Variants in CAPN14 observed in about 807,000 individuals in gnomAD.
The protein encoded by CAPN14 is calpain-14.
In CAPN14, 94 loss-of-function variants were observed where a neutral mutation model predicts 101.3. The ratio of observed to expected loss-of-function variants is 0.93; its 90% confidence interval spans 0.79 to 1.10. The LOEUF (loss-of-function observed/expected upper bound fraction) is 1.10, where lower values mean the gene tolerates loss of function less well. Ranked by LOEUF, CAPN14 falls within the 50% of genes least tolerant of loss-of-function variation. The pLI, the probability that CAPN14 is intolerant of heterozygous loss-of-function variation, is 0.00. For synonymous variants in CAPN14, 338 were observed against 317.9 expected, an observed-to-expected ratio of 1.06 and a Z score of -0.67; for missense variants, 837 against 828.4, an observed-to-expected ratio of 1.01 and a Z score of -0.13.
Position 31,205,335 on chromosome 2 carries a change from A to G in CAPN14, c.113T>C (p.Leu38Pro). The change falls in exon 2 of 22, where the codon CTG becomes CCG. Residue 38 changes from leucine (L) to proline (P), a missense_variant. By Grantham distance (98) the Leu-to-Pro change is moderately conservative (BLOSUM62 -3). Transcript: ENST00000403897. Reference sequence around the variant, plus strand: ...GTCTTCAAAGAGGCAGCCATTCCTCAGGCACTCTGCCAGCAGGGCCTCAAA... The same window carrying G: ...GTCTTCAAAGAGGCAGCCATTCCTCGGGCACTCTGCCAGCAGGGCCTCAAA... The part of the protein sequence containing the change: ...QDFEALLAEC[L>P]RNGCLFEDTS... 6.4e-7 allele frequency: 1 copy of G among 1,551,250 alleles called. No individual in the cohort carries two copies. The highest frequency in any genetic ancestry group is 8.7e-7 in the Non-Finnish European group (1 of 1,146,960).
rs1572399122 is a variant in CAPN14 at position 31,187,433 on chromosome 2, C to A, written c.1587+325G>T. 2.0e-5 allele frequency among the ~76,000 whole-genome samples: 3 copies of A among 152,032 alleles called. No homozygotes were observed. In the East Asian group the frequency reaches 5.8e-4, roughly 29 times the overall value. On this transcript the variant is annotated intron_variant, in intron 15 of 21. Coordinates refer to ENST00000403897, the MANE Select transcript of CAPN14 (RefSeq NM_001145122.2). ...CATTGTCATGCTCTGCACCCCCCAC[C>A]CCCTGTCCCACTCCCAACTCTGACA...
At chr2:31,178,625 A>C in intron 17 of CAPN14, 46 bp from the exon 18 acceptor site, 1 of 1,316,494 alleles carries the variant, frequency 7.6e-7, no homozygotes, top group Non-Finnish European at 1.0e-6. Flanking sequence ...AGTTCTATCC[A>C]TGCTTTGGAG....
In CAPN14 at chr2:31,199,461, T is replaced by C. The variant is rs1481717274; in HGVS notation, c.789+9A>G. The C allele has an allele frequency of 1.0e-5, 16 of 1,551,078 alleles. No individual in the cohort carries two copies. Among genetic ancestry groups the C allele is most frequent in the Non-Finnish European group, 1.2e-5 (14 of 1,146,676 alleles). ...TGAGAGGGAAACCGAAGGGCCAACC[T>C]CAACCCACCTTCCTGATTCCTGTGA... On this transcript the variant is annotated intron_variant, in intron 7 of 21. Transcript: ENST00000403897.
At chr2:31,221,195 A>G (rs1682853210), upstream of CAPN14, among the ~76,000 whole-genome samples, 1 of 152,242 alleles carries the variant, frequency 6.6e-6, no homozygotes, top group South Asian at 2.1e-4. Flanking sequence ...TTTTCTCAAC[A>G]GAAGGGTGTT....
At position 31,230,863 on chromosome 2, in the gene CAPN14, C is replaced by T. The variant is rs1314912270; in HGVS notation, c.-177+2928G>A. Among the ~76,000 whole-genome samples, 1 of 152,016 alleles carries T rather than the reference C, an allele frequency of 6.6e-6. No homozygotes were observed. Among genetic ancestry groups the T allele is most frequent in the African/African-American group, 2.4e-5 (1 of 41,366 alleles). On this transcript the variant is annotated intron_variant and NMD_transcript_variant, in intron 1 of 21. Transcript: ENST00000398824. The surrounding 1 kb of genome is among the most constrained non-coding windows in gnomAD (Gnocchi z 4.3). Reference sequence around the variant, plus strand: ...AGTTTTTTTCATTTTTCAGTTTGTGCTTCTGACGTCTTGTTTAAAGAACTC... The same window carrying T: ...AGTTTTTTTCATTTTTCAGTTTGTGTTTCTGACGTCTTGTTTAAAGAACTC...
chr2:31,218,035 T>C (rs1283627645), upstream of CAPN14, among the ~76,000 whole-genome samples: 5 of 152,184 alleles, frequency 3.3e-5, no homozygotes, highest in East Asian at 5.8e-4. Flanking sequence ...ATTTGTGCTA[T>C]TGAGATCGCT....
Position 31,174,656 on chromosome 2 carries a change from T to C in CAPN14, c.*25A>G, listed in dbSNP as rs1680206231. The C allele has an allele frequency of 3.9e-6, 6 of 1,551,266 alleles. No homozygotes were observed. In the East Asian group the frequency reaches 1.5e-4, roughly 38 times the overall value. ...CTTGGGCCACATGCAGAGTCTTCAG[T>C]GAGGGCAGGTGAGACTCAGCCTTCT... On this transcript the variant is annotated 3_prime_UTR_variant, in exon 22 of 22. Coordinates refer to ENST00000403897, the MANE Select transcript of CAPN14 (RefSeq NM_001145122.2).
chr2:31,198,307 A>G (rs938863511), intron 7 of CAPN14, among the ~76,000 whole-genome samples: 22 of 151,958 alleles, frequency 1.4e-4, no homozygotes, highest in African/African-American at 9.7e-5. Flanking sequence ...TTCATCTTAC[A>G]TATGTTGATT....
At chr2:31,188,589 C>T (rs1306533453) in intron 13 of CAPN14, among the ~76,000 whole-genome samples, 1 of 152,192 alleles carries the variant, frequency 6.6e-6, no homozygotes, top group Non-Finnish European at 1.5e-5. Context: ...AAAAGATGAG[C>T]ATGAGACTTA....
intron 14 of CAPN14, 101 bp from the exon 15 acceptor site, chr2:31,187,915 T>C: frequency 2.2e-6 from 2 of 926,958 alleles, no homozygotes; most frequent in East Asian, 2.6e-5. Flanking sequence ...CTGAAATCCA[T>C]GAGCTTGACT....
chr2:31,224,198 T>C (rs1482531609), intron 2 of CAPN14, among the ~76,000 whole-genome samples: 1 of 152,120 alleles, frequency 6.6e-6, no homozygotes, highest in Non-Finnish European at 1.5e-5. Flanking sequence ...CCTGAGACTC[T>C]TCTACGGTCT....
intron 17 of CAPN14, 111 bp downstream of exon 17, chr2:31,180,825 G>A: frequency 1.1e-6 from 1 of 905,060 alleles, no homozygotes; most frequent in South Asian, 1.6e-5. Flanking sequence ...GGCTTGTCCA[G>A]GATCCCACAA....
chr2:31,217,395 G>A (rs567325309), intron 1 of CAPN14, 61 bp downstream of exon 1: 1 of 152,244 alleles, frequency 6.6e-6, no homozygotes, highest in Admixed American at 6.5e-5. Context: ...CCCAGACCCT[G>A]TAGAGTCTCA....
intron 1 of CAPN14, among the ~76,000 whole-genome samples, chr2:31,229,946 C>T (rs758591031): frequency 6.6e-6 from 1 of 152,204 alleles, no homozygotes; most frequent in Non-Finnish European, 1.5e-5. Context: ...TAATAGCCTA[C>T]TTCTGGCTTT....
Position 31,178,528 on chromosome 2 carries a change from G to A in CAPN14, c.1762C>T (p.Gln588Ter). The A allele has an allele frequency of 5.8e-6, 9 of 1,550,542 alleles. No individual in the cohort carries two copies. Among genetic ancestry groups the A allele is most frequent in the Non-Finnish European group, 7.9e-6 (9 of 1,146,440 alleles). The change falls in exon 18 of 22, where the codon CAG (glutamine) becomes TAG (stop). Residue 588 changes from glutamine (Q) to a stop codon, truncating the protein, a stop_gained. Transcript: ENST00000403897. LOFTEE classifies it high-confidence loss of function. Reference sequence around the variant, plus strand: ...GTTCTTACCTGAGAGAGCTTCAGCTGCTTCCACAGGTCCCTGAATTCCTGG... The same window carrying A: ...GTTCTTACCTGAGAGAGCTTCAGCTACTTCCACAGGTCCCTGAATTCCTGG... ...SIQEFRDLWK[Q>*]LKLSQKVFHK...
At chr2:31,212,312 C>CAAAA (rs72155600) in intron 1 of CAPN14, among the ~76,000 whole-genome samples, 3 of 110,440 alleles carry the variant, frequency 2.7e-5, no homozygotes, top group Admixed American at 9.4e-5. Context: ...CGTCTCAAAA[C>CAAAA]AAAAAAAAAA....
rs1424283482 is a variant in CAPN14, at chr2:31,189,265, G to A, written c.1493+8C>T. On this transcript the variant is annotated splice_region_variant and intron_variant, in intron 13 of 21. Coordinates refer to ENST00000403897, the MANE Select transcript of CAPN14 (RefSeq NM_001145122.2). ...CCCCACCCTCTAGGAGAGACCTTGT[G>A]TCCTTACTAAAAGATGTGCTTCCTG... The A allele has an allele frequency of 6.4e-7, 1 of 1,550,432 alleles. No individual in the cohort carries two copies. The highest frequency in any genetic ancestry group is 1.2e-5 in the South Asian group (1 of 84,004).
intron 13 of CAPN14, 36 bp from the exon 14 acceptor site, chr2:31,188,390 C>T: frequency 1.9e-6 from 3 of 1,549,750 alleles, no homozygotes; most frequent in Non-Finnish European, 2.6e-6. Flanking sequence ...CTCAGAGTTT[C>T]CTCTTGGGAA....
At chr2:31,231,583 C>A (rs1355272571) in intron 1 of CAPN14, among the ~76,000 whole-genome samples, 1 of 152,288 alleles carries the variant, frequency 6.6e-6, no homozygotes, top group East Asian at 1.9e-4. Flanking sequence ...AGATAGATTT[C>A]AACTACTCAA....
Sources: gnomAD v4.1 joint callset for allele counts (sites outside exome capture counted in the v4.1 genomes callset) on GRCh38, gnomAD v4.1.1 for gene constraint, Gnocchi (gnomAD v3.1) non-coding constraint, MANE v1.5 for transcripts, NCBI Gene and HGNC (gene_info 2026-07-23, HGNC 2026-07-21) for gene names.